HERC3: variants seen among roughly 807,000 people sequenced by gnomAD.
The protein encoded by HERC3 is HECT and RLD domain containing E3 ubiquitin protein ligase 3.
In HERC3, 58 loss-of-function variants were observed where a neutral mutation model predicts 129.9. The ratio of observed to expected loss-of-function variants is 0.45; its 90% CI spans 0.36 to 0.56. The LOEUF is 0.56. Ranked by LOEUF, HERC3 falls within the 20% of genes least tolerant of loss-of-function variation. The probability of loss-of-function intolerance (pLI) is 0.00; values close to 1 mark genes in which losing one functional copy is unlikely to be tolerated. For missense variants in HERC3, 835 were observed against 1,244.2 expected (o/e 0.67, Z 4.95); for synonymous variants, 430 against 451.0 (o/e 0.95, Z 0.59).
rs753098622 is a variant in HERC3 at position 88,670,270 on chromosome 4, A to G, written c.1911+18A>G. ...CAGGGATGGTAAGAATTCATAAAGC[A>G]TATTTTAAAGCTTTAGTCTTTTTAT... On this transcript the variant is annotated intron_variant, in intron 16 of 25. Coordinates refer to ENST00000402738, the MANE Select transcript of HERC3 (RefSeq NM_014606.3). 5 of 1,488,908 alleles carry G rather than the reference A, an allele frequency of 3.4e-6. No homozygotes were observed. In the East Asian group the frequency reaches 9.0e-5, roughly 27 times the overall value. 92.2% of individuals were successfully genotyped at this position (1,488,908 alleles called of 1,614,324 possible).
the HERC3 span, among the ~76,000 whole-genome samples, chr4:88,580,727 A>C: frequency 6.6e-6 from 1 of 152,188 alleles, no homozygotes; most frequent in Non-Finnish European, 1.5e-5. Context: ...TTAGTTACAG[A>C]TGATGTCACT....
chr4:88,603,328 C>T (rs778138647), intron 2 of HERC3, among the ~76,000 whole-genome samples: 2 of 151,848 alleles, frequency 1.3e-5, no homozygotes, highest in African/African-American at 2.4e-5. Flanking sequence ...GTGCCTCAGC[C>T]TCCCGAGTAG....
the HERC3 span, among the ~76,000 whole-genome samples, chr4:88,536,110 A>G: frequency 6.6e-6 from 1 of 152,174 alleles, no homozygotes; most frequent in East Asian, 1.9e-4. Context: ...AGGTTTGTGC[A>G]AAAGCTTCTG....
At chr4:88,685,878 T>C (rs1000558793) in intron 21 of HERC3, among the ~76,000 whole-genome samples, 2 of 152,206 alleles carry the variant, frequency 1.3e-5, no homozygotes, top group Admixed American at 1.3e-4. Context: ...TACTTTTATG[T>C]CTCTTCAGTC....
At chr4:88,531,721 C>T in the HERC3 span, among the ~76,000 whole-genome samples, 13 of 152,316 alleles carry the variant, frequency 8.5e-5, no homozygotes, top group Middle Eastern at 3.4e-3. Flanking sequence ...TAGATACACA[C>T]ACGTGAAATT....
the HERC3 span, among the ~76,000 whole-genome samples, chr4:88,556,559 A>G: frequency 6.6e-6 from 1 of 152,150 alleles, no homozygotes; most frequent in Non-Finnish European, 1.5e-5. Flanking sequence ...TCCCCATCAG[A>G]TCAGCCACAA....
intron 23 of HERC3, among the ~76,000 whole-genome samples, chr4:88,694,014 T>A (rs1734339786): frequency 6.6e-6 from 1 of 152,200 alleles, no homozygotes; most frequent in African/African-American, 2.4e-5. Flanking sequence ...AGTTAGGAAG[T>A]GGCAGAAATC....
chr4:88,676,596 AATACACATTTG>A (rs1286092725), intron 18 of HERC3, among the ~76,000 whole-genome samples, 173 bp downstream of exon 18: 21 of 152,252 alleles, frequency 1.4e-4, no homozygotes, highest in Admixed American at 1.4e-3. Context: ...CACATAGGTG[AATACACATTTG>A]TGTAGATTAG....
At chr4:88,592,081 G>A (rs1417892746), upstream of HERC3, among the ~76,000 whole-genome samples, 4 of 152,110 alleles carry the variant, frequency 2.6e-5, no homozygotes, top group Non-Finnish European at 4.4e-5. Context: ...TTTTTCCCCC[G>A]TGCCCAAGGC....
rs372500127 is a variant in HERC3 at position 88,669,881 on chromosome 4, G to A, written c.1655G>A (p.Cys552Tyr). Residue 552 changes from cysteine to tyrosine, a missense_variant, in exon 15 of 26, where the codon TGC (cysteine) becomes TAC (tyrosine). By Grantham distance (194) the Cys-to-Tyr change is radical. Coordinates refer to ENST00000402738, the MANE Select transcript of HERC3 (RefSeq NM_014606.3). Reference sequence around the variant, plus strand: ...AAAGATAACTGGTGGTCTCAGGTATGCCCGAAATATTTCATGAAGCTGGTA... The same window carrying A: ...AAAGATAACTGGTGGTCTCAGGTATACCCGAAATATTTCATGAAGCTGGTA... Reference protein sequence around the residue: ...KVLDNWWSQVCPKYFMKLVNL... With the variant: ...KVLDNWWSQVYPKYFMKLVNL... 2.5e-6 allele frequency: 4 copies of A among 1,613,424 alleles called. No individual in the cohort carries two copies. Among genetic ancestry groups the A allele is most frequent in the Non-Finnish European group, 2.5e-6 (3 of 1,179,578 alleles).
intron 23 of HERC3, among the ~76,000 whole-genome samples, chr4:88,689,472 T>C (rs1261940522): frequency 6.7e-6 from 1 of 149,272 alleles, no homozygotes; most frequent in African/African-American, 2.5e-5. Context: ...TAAGCCATGA[T>C]CATGCCTCTG....
At chr4:88,538,545 CTTTT>C in the HERC3 span, among the ~76,000 whole-genome samples, 6 of 129,780 alleles carry the variant, frequency 4.6e-5, no homozygotes, top group Non-Finnish European at 7.9e-5. Flanking sequence ...CCAATTTCCT[CTTTT>C]TTTTTTTTTT....
the HERC3 span, among the ~76,000 whole-genome samples, chr4:88,554,543 A>G: frequency 1.8e-4 from 27 of 152,188 alleles, no homozygotes; most frequent in Non-Finnish European, 2.2e-4. Context: ...TGAACAACTG[A>G]GGCATAGGTA....
the HERC3 span, among the ~76,000 whole-genome samples, chr4:88,534,118 G>C: frequency 6.6e-6 from 1 of 152,204 alleles, no homozygotes; most frequent in Non-Finnish European, 1.5e-5. Flanking sequence ...GACTCATTAT[G>C]ACTAGGATCA....
chr4:88,651,636 CT>C (rs2149271744), intron 4 of HERC3, among the ~76,000 whole-genome samples: 2 of 152,328 alleles, frequency 1.3e-5, no homozygotes, highest in East Asian at 1.9e-4. Context: ...TGACCTGCTT[CT>C]TTTCTACAAC....
At chr4:88,547,632 G>A in the HERC3 span, among the ~76,000 whole-genome samples, 1 of 152,040 alleles carries the variant, frequency 6.6e-6, no homozygotes, top group South Asian at 2.1e-4. Flanking sequence ...TTTGCCACTG[G>A]CTTCTTTCAT....
At chr4:88,606,526 G>T (rs1048147363) in intron 3 of HERC3, among the ~76,000 whole-genome samples, 1 of 152,044 alleles carries the variant, frequency 6.6e-6, no homozygotes, top group South Asian at 2.1e-4. Flanking sequence ...TGTATTAGTC[G>T]GTTTTCACAC....
intron 23 of HERC3, among the ~76,000 whole-genome samples, chr4:88,699,297 CCA>C (rs1735076149): frequency 1.7e-5 from 1 of 58,890 alleles, no homozygotes; most frequent in East Asian, 7.4e-4. Context: ...CCCCACCCAC[CCA>C]CCCAGCCCCA....
chr4:88,655,443 T>C, intron 8 of HERC3, 139 bp downstream of exon 8: 1 of 982,822 alleles, frequency 1.0e-6, no homozygotes, highest in South Asian at 1.6e-5. Flanking sequence ...TGGTGAAATG[T>C]GGAGAAAGAC....
Sources: gnomAD v4.1 joint callset for allele counts (sites outside exome capture counted in the v4.1 genomes callset) on GRCh38, gnomAD v4.1.1 for gene constraint, MANE v1.5 for transcripts, NCBI Gene and HGNC (gene_info 2026-07-23, HGNC 2026-07-21) for gene names.